SH3D19: variants seen among roughly 807,000 people sequenced by gnomAD.
SH3D19 encodes SH3 domain containing 19, also known as SH3 domain-containing protein 19.
In SH3D19, 58 loss-of-function variants were observed where a neutral mutation model predicts 112.1. The observed-to-expected ratio is 0.52, with a 90% CI of 0.42 to 0.64. The LOEUF (loss-of-function observed/expected upper bound fraction) is 0.64, where lower values mean the gene tolerates loss of function less well. Among genes scored for constraint, SH3D19 ranks in the 30% least tolerant of loss-of-function variants. The pLI, the probability that SH3D19 is intolerant of heterozygous loss-of-function variation, is 0.00. For missense variants in SH3D19, 1,090 were observed against 1,263.4 expected, an observed-to-expected ratio of 0.86 and a Z score of 2.08; for synonymous variants, 391 against 448.5, an observed-to-expected ratio of 0.87 and a Z score of 1.62.
intron 9 of SH3D19, among the ~76,000 whole-genome samples, chr4:151,157,539 C>CA (rs1330837059): frequency 1.3e-5 from 2 of 152,006 alleles, no homozygotes; most frequent in African/African-American, 2.4e-5. Flanking sequence ...GGAAGCTCCT[C>CA]AAAAAACTAC....
chr4:151,284,156 T>G (rs2150011116), intron 1 of SH3D19, among the ~76,000 whole-genome samples: 1 of 152,352 alleles, frequency 6.6e-6, no homozygotes, highest in East Asian at 1.9e-4. Flanking sequence ...AATGATTTCT[T>G]CAAAAACTAT....
chr4:151,325,108 C>G, intron 1 of SH3D19, 133 bp downstream of exon 1: 3 of 422,352 alleles, frequency 7.1e-6, no homozygotes, highest in Non-Finnish European at 1.2e-5. Flanking sequence ...CTCCCCGAGT[C>G]TGGCCTCTGA....
chr4:151,262,893 A>G (rs1177705466), intron 1 of SH3D19: 1 of 152,166 alleles, frequency 6.6e-6, no homozygotes, highest in African/African-American at 2.4e-5. Flanking sequence ...TGCTACCCTC[A>G]GTCTGGGCCT....
chr4:151,254,898 C>T (rs1353180033), intron 1 of SH3D19, among the ~76,000 whole-genome samples: 4 of 150,868 alleles, frequency 2.7e-5, no homozygotes, highest in Non-Finnish European at 5.9e-5. Flanking sequence ...TAGGGGCGGC[C>T]GGGCAGAGGC....
intron 1 of SH3D19, among the ~76,000 whole-genome samples, chr4:151,306,430 C>G (rs6535787): frequency 6.6e-6 from 1 of 151,918 alleles, no homozygotes; most frequent in African/African-American, 2.4e-5. Context: ...GTTCCTGACA[C>G]ATATTTAGTA....
chr4:151,145,754 A>C (rs7669180), intron 11 of SH3D19, among the ~76,000 whole-genome samples: 108,386 of 152,110 alleles, frequency 0.71, 43,729 homozygotes, highest in Non-Finnish European at 0.91. Context: ...GATTGGCGTA[A>C]TGGTTAGGAG....
At chr4:151,130,343 G>A (rs559974206) in intron 17 of SH3D19, among the ~76,000 whole-genome samples, 2 of 152,228 alleles carry the variant, frequency 1.3e-5, no homozygotes, top group African/African-American at 2.4e-5. Context: ...AGGAGGCTGA[G>A]GTGGATTGCT....
intron 1 of SH3D19, among the ~76,000 whole-genome samples, chr4:151,236,383 G>A (rs920439187): frequency 2.6e-5 from 4 of 152,286 alleles, no homozygotes; most frequent in African/African-American, 7.2e-5. Context: ...CTGGGCTGCC[G>A]GAGTGCCCGG....
chr4:151,287,775 T>G (rs1172699566), intron 1 of SH3D19, among the ~76,000 whole-genome samples: 1 of 152,118 alleles, frequency 6.6e-6, no homozygotes, highest in Non-Finnish European at 1.5e-5. Flanking sequence ...AGCTACTCGG[T>G]AGGCTGCGGT....
At chr4:151,199,569 G>A (rs888590577) in intron 2 of SH3D19, among the ~76,000 whole-genome samples, 4 of 152,238 alleles carry the variant, frequency 2.6e-5, no homozygotes, top group East Asian at 1.9e-4. Flanking sequence ...GAAATAACTC[G>A]CCTGCTGCAC....
chr4:151,139,620 T>A (rs1397830289), intron 13 of SH3D19, among the ~76,000 whole-genome samples, 155 bp downstream of exon 13: 2 of 152,164 alleles, frequency 1.3e-5, no homozygotes, highest in Non-Finnish European at 2.9e-5. Flanking sequence ...CAACCCTTCT[T>A]GAAGTGGAGT....
rs991396908 is a variant in SH3D19 at position 151,325,320 on chromosome 4, C to T, written c.33G>A (p.Glu11=). The T allele has an allele frequency of 8.2e-7, 1 of 1,217,712 alleles. No individual in the cohort carries two copies. Among genetic ancestry groups the T allele is most frequent in the Non-Finnish European group, 1.0e-6 (1 of 978,868 alleles). The allele number at this position is 1,217,712 out of a possible 1,614,324, so 75.4% of individuals were successfully genotyped here. The change falls in exon 1 of 20, where the codon GAG becomes GAA. Residue 11 remains glutamate (E), a synonymous_variant. Coordinates refer to ENST00000604030, the MANE Select transcript of SH3D19 (RefSeq NM_001378122.1). MAEGRRREDE[E]EELRERRELG... is the part of the protein sequence containing the mutation. Reference sequence around the variant, plus strand: ...GTTCGCGGCGCTCGCGTAGCTCTTCCTCCTCGTCCTCCCGCCGCCGGCCCT... The same window carrying T: ...GTTCGCGGCGCTCGCGTAGCTCTTCTTCCTCGTCCTCCCGCCGCCGGCCCT...
intron 9 of SH3D19, among the ~76,000 whole-genome samples, chr4:151,150,268 TATATATACACAC>T (rs1754777771): frequency 1.6e-5 from 2 of 123,524 alleles, no homozygotes; most frequent in South Asian, 2.7e-4. Flanking sequence ...TATATATACA[TATATATACACAC>T]ACATATATAT....
Position 151,154,443 on chromosome 4 carries a change from C to T in SH3D19, c.1755+4797G>A, listed in dbSNP as rs530629748. Among the ~76,000 whole-genome samples, 325 of 150,546 alleles carry T rather than the reference C, an allele frequency of 2.2e-3. 2 individuals carry two copies. The Middle Eastern group carries it at 0.028, about 13-fold the overall frequency. On this transcript the variant is annotated intron_variant, in intron 9 of 19. Transcript: ENST00000604030. The stretch of plus-strand genomic sequence containing the variant: ...ACCATTGCGCCCGGCCCACACCTGG[C>T]TAATTTTTGTATTTTTAGTAGAGAT...
chr4:151,268,414 C>A (rs1772974473), intron 1 of SH3D19, among the ~76,000 whole-genome samples: 1 of 152,114 alleles, frequency 6.6e-6, no homozygotes, highest in African/African-American at 2.4e-5. Context: ...TTTATAAACA[C>A]TGTACGCTTA....
intron 13 of SH3D19, among the ~76,000 whole-genome samples, chr4:151,138,684 TCTCACACACACACACACACACA>T (rs1464905609): frequency 5.2e-5 from 7 of 135,894 alleles, no homozygotes; most frequent in Middle Eastern, 3.8e-3. Flanking sequence ...CAAGATCTTG[TCTCACACACACACACACACACA>T]CACACACACA....
intron 2 of SH3D19, among the ~76,000 whole-genome samples, chr4:151,223,469 C>G (rs933008421): frequency 6.6e-6 from 1 of 152,138 alleles, no homozygotes; most frequent in South Asian, 2.1e-4. Context: ...CACTTCCTAG[C>G]TTTCTATCAC....
chr4:151,175,242 G>A lies in SH3D19; in HGVS notation c.962C>T (p.Ser321Leu), dbSNP rs1759764695. Residue 321 changes from serine to leucine, a missense_variant, in exon 7 of 20, where the codon TCA becomes TTA. Physicochemically the swap from Ser to Leu is moderately radical, Grantham distance 145. Coordinates refer to ENST00000604030, the MANE Select transcript of SH3D19 (RefSeq NM_001378122.1). ...LPKKPEITPR[S>L]LPPKPTVSSG... ...GGAAACAGTAGGCTTTGGAGGAAGT[G>A]AACGTGGAGTAATTTCTGGTTTCTT... is the stretch of plus-strand genomic sequence containing the variant. 6.2e-7 allele frequency: 1 copy of A among 1,614,196 alleles called. No homozygotes were observed. The highest frequency in any genetic ancestry group is 8.5e-7 in the Non-Finnish European group (1 of 1,180,012).
chr4:151,165,050 AC>A (rs1757771140), intron 8 of SH3D19, among the ~76,000 whole-genome samples: 1 of 152,226 alleles, frequency 6.6e-6, no homozygotes, highest in Non-Finnish European at 1.5e-5. Flanking sequence ...CCAAATCTGT[AC>A]CAGAGGTGTT....
Sources: gnomAD v4.1 joint callset for allele counts (sites outside exome capture counted in the v4.1 genomes callset) on GRCh38, gnomAD v4.1.1 for gene constraint, MANE v1.5 for transcripts, NCBI Gene and HGNC (gene_info 2026-07-23, HGNC 2026-07-21) for gene names.